Variants in PDE1A observed in about 807,000 individuals in gnomAD.
The protein encoded by PDE1A is dual specificity calcium/calmodulin-dependent 3',5'-cyclic nucleotide phosphodiesterase 1A.
Under a neutral mutation model 61.7 loss-of-function variants are expected in PDE1A, and 35 were observed. That is an observed-to-expected ratio of 0.57 (90% confidence interval 0.43 to 0.75). The LOEUF (loss-of-function observed/expected upper bound fraction) is 0.75. PDE1A is among the 30% of genes least tolerant of loss of function. The pLI, the probability that PDE1A is intolerant of heterozygous loss-of-function variation, is 0.00. For missense variants in PDE1A, 597 were observed against 630.6 expected (o/e 0.95, Z 0.57); for synonymous variants, 232 against 213.2 (o/e 1.09, Z -0.77).
intron 1 of PDE1A, among the ~76,000 whole-genome samples, chr2:182,349,279 A>ATCTG (rs780541497): frequency 3.3e-5 from 5 of 152,166 alleles, no homozygotes; most frequent in Admixed American, 1.3e-4. Context: ...TAAACATAGA[A>ATCTG]TCTGTCTGAA....
intron 2 of PDE1A, among the ~76,000 whole-genome samples, chr2:182,432,536 C>T (rs1329266557): frequency 6.6e-6 from 1 of 151,880 alleles, no homozygotes; most frequent in Non-Finnish European, 1.5e-5. Context: ...TGTTGTATTC[C>T]CTGTGCATAG....
At chr2:182,314,147 CAATAAA>C (rs1244873902) in intron 1 of PDE1A, 1 of 152,078 alleles carries the variant, frequency 6.6e-6, no homozygotes, top group Non-Finnish European at 1.5e-5. Context: ...TTTCATCAAC[CAATAAA>C]AATATAAACA....
the PDE1A span, among the ~76,000 whole-genome samples, chr2:182,568,535 G>C: frequency 1.3e-5 from 2 of 152,032 alleles, no homozygotes; most frequent in African/African-American, 4.8e-5. Context: ...GCGCAGTGGC[G>C]GGCGCCTGTA....
chr2:182,149,715 A>G (rs1361782725), intron 13 of PDE1A, among the ~76,000 whole-genome samples: 4 of 152,146 alleles, frequency 2.6e-5, no homozygotes, highest in Non-Finnish European at 5.9e-5. Context: ...ATTCTCCCAT[A>G]AAGAGGAAAC....
At chr2:182,195,593 A>G (rs996930022) in intron 10 of PDE1A, among the ~76,000 whole-genome samples, 1 of 152,056 alleles carries the variant, frequency 6.6e-6, no homozygotes, top group Non-Finnish European at 1.5e-5. Context: ...TGAGCTCTGG[A>G]CAGACCTCTT....
chr2:182,470,705 T>C (rs1389430466), intron 2 of PDE1A, among the ~76,000 whole-genome samples: 2 of 151,686 alleles, frequency 1.3e-5, no homozygotes, highest in Non-Finnish European at 2.9e-5. Context: ...TCCTGTGAAA[T>C]GAGGGTAGAT....
intron 2 of PDE1A, among the ~76,000 whole-genome samples, chr2:182,244,086 C>T (rs780171799): frequency 2.0e-4 from 31 of 151,964 alleles, no homozygotes; most frequent in Non-Finnish European, 4.6e-4. Flanking sequence ...AGGCTGGTCT[C>T]GAACTCCCGA....
chr2:182,257,971 C>A (rs912593017), intron 2 of PDE1A, among the ~76,000 whole-genome samples: 1 of 151,978 alleles, frequency 6.6e-6, no homozygotes, highest in Non-Finnish European at 1.5e-5. Context: ...ATCGAGACCA[C>A]CCTGGCTAAC....
intron 1 of PDE1A, among the ~76,000 whole-genome samples, chr2:182,352,665 T>TC: frequency 6.6e-6 from 1 of 151,962 alleles, no homozygotes; most frequent in East Asian, 1.9e-4. Context: ...TTTTTTTTTT[T>TC]CAGTTAATTT....
At chr2:182,498,781 A>G (rs1453595385) in intron 2 of PDE1A, among the ~76,000 whole-genome samples, 4 of 151,930 alleles carry the variant, frequency 2.6e-5, no homozygotes, top group African/African-American at 7.2e-5. Flanking sequence ...CGTCTTTACT[A>G]AAAATACAAA....
At chr2:182,405,843 T>C (rs929729626) in intron 1 of PDE1A, among the ~76,000 whole-genome samples, 8 of 152,122 alleles carry the variant, frequency 5.3e-5, no homozygotes, top group Non-Finnish European at 1.2e-4. Context: ...TTCCACATTA[T>C]GTACATATAT....
At chr2:182,217,770 C>T (rs1456090469) in intron 7 of PDE1A, among the ~76,000 whole-genome samples, 1 of 147,614 alleles carries the variant, frequency 6.8e-6, no homozygotes, top group Non-Finnish European at 1.5e-5. Context: ...CAGGAAACAA[C>T]AGGTGCTGGA....
intron 2 of PDE1A, among the ~76,000 whole-genome samples, chr2:182,462,531 C>G (rs1433071239): frequency 6.6e-6 from 1 of 151,746 alleles, no homozygotes; most frequent in African/African-American, 2.4e-5. Flanking sequence ...TCATTCTGTG[C>G]ATGAAGAAGG....
chr2:182,698,945 C>G, the PDE1A span, among the ~76,000 whole-genome samples: 1 of 152,184 alleles, frequency 6.6e-6, no homozygotes, highest in Admixed American at 6.5e-5. Context: ...GCCCTGAGAC[C>G]TCTAGCTCCC....
chr2:182,382,618 T>C (rs1355762078), intron 1 of PDE1A, among the ~76,000 whole-genome samples: 1 of 152,182 alleles, frequency 6.6e-6, no homozygotes, highest in Non-Finnish European at 1.5e-5. Flanking sequence ...TGTCATAAGC[T>C]ACTGTTTATA....
At chr2:182,458,049 TA>T (rs111400072) in intron 2 of PDE1A, among the ~76,000 whole-genome samples, 69 of 152,116 alleles carry the variant, frequency 4.5e-4, no homozygotes, top group African/African-American at 1.3e-3. Context: ...CAAATGTACA[TA>T]AAAAATACAT....
In PDE1A at chr2:182,238,327, A is replaced by T. The variant is rs564365755; in HGVS notation, c.350+1783T>A. On this transcript the variant is annotated intron_variant, in intron 3 of 13. Transcript: ENST00000351439. ...ATGACAGGAACTAATTTATATCCTA[A>T]AAACATCACTGTGGAATGGCTTGGT... Among the ~76,000 whole-genome samples, 3 of 152,116 alleles carry T rather than the reference A, an allele frequency of 2.0e-5. No homozygotes were observed. The South Asian group carries it at 6.2e-4, about 32-fold the overall frequency.
At chr2:182,647,183 C>A in the PDE1A span, among the ~76,000 whole-genome samples, 1 of 152,164 alleles carries the variant, frequency 6.6e-6, no homozygotes, top group Non-Finnish European at 1.5e-5. Flanking sequence ...ATGACTTCAC[C>A]CCAGGAAGTC....
At chr2:182,435,482 G>GT (rs1172013412) in intron 2 of PDE1A, among the ~76,000 whole-genome samples, 1 of 152,058 alleles carries the variant, frequency 6.6e-6, no homozygotes, top group Non-Finnish European at 1.5e-5. Flanking sequence ...GTGAAGCAGT[G>GT]TGGTGTCAGT....
Sources: allele counts gnomAD v4.1 joint callset (sites outside exome capture counted in the v4.1 genomes callset), GRCh38; gene constraint gnomAD v4.1.1; transcripts MANE v1.5; gene names NCBI Gene and HGNC (gene_info 2026-07-23, HGNC 2026-07-21).